The following YAP1 variants were observed in gnomAD, a reference collection of about 807,000 sequenced individuals.
The protein encoded by YAP1 is transcriptional coactivator YAP1.
Under a neutral mutation model 56.9 loss-of-function variants are expected in YAP1, and 5 were observed. The ratio of observed to expected loss-of-function variants is 0.09; its 90% CI spans 0.05 to 0.18. YAP1 has a LOEUF of 0.18. Ranked by LOEUF, YAP1 falls within the 10% of genes least tolerant of loss-of-function variation. The probability of loss-of-function intolerance (pLI) is 1.00; values close to 1 mark genes in which losing one functional copy is unlikely to be tolerated. For synonymous variants in YAP1, 265 were observed against 248.1 expected (o/e 1.07, Z -0.64); for missense variants, 539 against 651.8 (o/e 0.83, Z 1.88).
chr11:102,183,156 G>A (rs1947730294), intron 3 of YAP1, among the ~76,000 whole-genome samples: 1 of 152,202 alleles, frequency 6.6e-6, no homozygotes, highest in South Asian at 2.1e-4. Flanking sequence ...AGGTAGTATG[G>A]AAAGGCTGAA....
chr11:102,194,884 G>A (rs1486290939), intron 4 of YAP1, among the ~76,000 whole-genome samples: 2 of 152,068 alleles, frequency 1.3e-5, no homozygotes, highest in Non-Finnish European at 2.9e-5. Context: ...TGAATTAATA[G>A]TGACAAGTAT....
chr11:102,197,921 A>C (rs1948652623), intron 4 of YAP1, among the ~76,000 whole-genome samples: 1 of 152,134 alleles, frequency 6.6e-6, no homozygotes, highest in African/African-American at 2.4e-5. Context: ...ATGTGGGTGC[A>C]CCGCTCTGTG....
intron 3 of YAP1, among the ~76,000 whole-genome samples, chr11:102,167,197 A>G (rs11225152): frequency 0.022 from 3,335 of 152,336 alleles, 124 homozygotes; most frequent in Admixed American, 0.11. Context: ...AACACTCAAT[A>G]CATCCTTGGA....
intron 3 of YAP1, among the ~76,000 whole-genome samples, chr11:102,184,143 G>A (rs910588961): frequency 2.0e-5 from 3 of 151,438 alleles, no homozygotes; most frequent in African/African-American, 4.9e-5. Flanking sequence ...GCTCCCAAAG[G>A]CATTCAGTGA....
rs147417061 is a variant in YAP1, at chr11:102,141,778, G to A, written c.573-20678G>A. On this transcript the variant is annotated intron_variant, in intron 2 of 8. Transcript: ENST00000282441. Reference sequence around the variant, plus strand: ...GATTGCTTATTCTCCTCCACTAGATGTGGTAAGGCCCATTGGACCCACCAT... The same window carrying A: ...GATTGCTTATTCTCCTCCACTAGATATGGTAAGGCCCATTGGACCCACCAT... Among the ~76,000 whole-genome samples, 768 of 152,274 alleles carry A rather than the reference G, an allele frequency of 5.0e-3. 6 individuals are homozygous for A. The highest frequency in any genetic ancestry group is 0.017 in the African/African-American group (712 of 41,552).
intron 4 of YAP1, among the ~76,000 whole-genome samples, chr11:102,199,000 G>A (rs928848104): frequency 2.0e-5 from 3 of 152,192 alleles, no homozygotes; most frequent in African/African-American, 7.2e-5. Flanking sequence ...GGAGGAGGGA[G>A]AGAGAGAATG....
chr11:102,146,586 T>C (rs1375116493), intron 2 of YAP1, among the ~76,000 whole-genome samples: 1 of 152,240 alleles, frequency 6.6e-6, no homozygotes, highest in Non-Finnish European at 1.5e-5. Flanking sequence ...CTCGTACTAA[T>C]AACATTTGAA....
chr11:102,121,296 C>T (rs11225134), intron 2 of YAP1, among the ~76,000 whole-genome samples: 7 of 151,752 alleles, frequency 4.6e-5, no homozygotes, highest in African/African-American at 1.5e-4. Context: ...AAAAATTAGC[C>T]GAGCATGGTG....
intron 4 of YAP1, among the ~76,000 whole-genome samples, chr11:102,191,914 T>G (rs1948307961): frequency 6.6e-6 from 1 of 152,138 alleles, no homozygotes; most frequent in Non-Finnish European, 1.5e-5. Context: ...GCTCAAGCAG[T>G]CTACCTGCCT....
At chr11:102,152,967 G>C (rs1171387299) in intron 2 of YAP1, among the ~76,000 whole-genome samples, 1 of 152,204 alleles carries the variant, frequency 6.6e-6, no homozygotes. Context: ...TCAAAGACTT[G>C]ACAGGAGAGG....
chr11:102,186,457 T>G, intron 4 of YAP1: 1 of 305,176 alleles, frequency 3.3e-6, no homozygotes, highest in Non-Finnish European at 6.2e-6. Flanking sequence ...GCTGCAATAA[T>G]AATCAGGCTG....
At chr11:102,112,296 C>T (rs1310806867) in intron 1 of YAP1, 2 of 676,698 alleles carry the variant, frequency 3.0e-6, no homozygotes, top group African/African-American at 2.0e-5. Context: ...ACACAATGTT[C>T]GATTATTGTG....
intron 7 of YAP1, among the ~76,000 whole-genome samples, chr11:102,225,177 T>C (rs565239467): frequency 7.1e-6 from 1 of 141,416 alleles, no homozygotes; most frequent in Admixed American, 7.1e-5. Flanking sequence ...GACTTTTTTT[T>C]TCTTTAAAAA....
intron 2 of YAP1, among the ~76,000 whole-genome samples, chr11:102,144,049 G>A (rs1945176593): frequency 6.6e-6 from 1 of 152,230 alleles, no homozygotes; most frequent in South Asian, 2.1e-4. Context: ...AGCATTGGCA[G>A]TCCAGCCTGA....
rs1267747591 is a variant in YAP1, at chr11:102,110,954, CCGGCACCCGCGGCGACCCAGG to C, written c.111_131del (p.Ala39_Pro45del). On this transcript the variant is annotated inframe_deletion, in exon 1 of 9. Coordinates refer to ENST00000282441, the MANE Select transcript of YAP1 (RefSeq NM_001130145.3). ...GGGCCCGCCGTCCGGACCCGGGCAA[CCGGCACCCGCGGCGACCCAGG>C]CGGCGCCGCAGGCACCCCCCGCCGG... is the stretch of plus-strand genomic sequence containing the variant. The C allele has an allele frequency of 1.3e-6, 2 of 1,508,820 alleles. No individual in the cohort carries two copies. The highest frequency in any genetic ancestry group is 1.5e-5 in the African/African-American group (1 of 68,642). The allele number at this position is 1,508,820 out of a possible 1,614,324, so 93.5% of individuals were successfully genotyped here.
chr11:102,152,578 G>C (rs1416691932), intron 2 of YAP1, among the ~76,000 whole-genome samples: 1 of 152,144 alleles, frequency 6.6e-6, no homozygotes, highest in Non-Finnish European at 1.5e-5. Flanking sequence ...TGGTCAGGTG[G>C]TCTCCAAGTT....
intron 2 of YAP1, among the ~76,000 whole-genome samples, chr11:102,146,203 A>G (rs541547404): frequency 1.3e-5 from 2 of 152,288 alleles, no homozygotes; most frequent in South Asian, 4.1e-4. Context: ...ATAAAAGACA[A>G]ATAGAGACAG....
At chr11:102,192,724 C>T (rs1445125460) in intron 4 of YAP1, among the ~76,000 whole-genome samples, 1 of 152,214 alleles carries the variant, frequency 6.6e-6, no homozygotes, top group East Asian at 1.9e-4. Context: ...CTTAAGGTTA[C>T]TTCTCAATAG....
At chr11:102,157,743 T>C (rs1194932336) in intron 2 of YAP1, among the ~76,000 whole-genome samples, 2 of 152,188 alleles carry the variant, frequency 1.3e-5, no homozygotes, top group Non-Finnish European at 2.9e-5. Context: ...TGATGTCTCT[T>C]TTGGGCACAT....
Sources: gnomAD v4.1 joint callset for allele counts (sites outside exome capture counted in the v4.1 genomes callset) on GRCh38, gnomAD v4.1.1 for gene constraint, MANE v1.5 for transcripts, NCBI Gene and HGNC (gene_info 2026-07-23, HGNC 2026-07-21) for gene names.